ATG7: variants seen among roughly 807,000 people sequenced by gnomAD.
ATG7 encodes the protein ubiquitin-like modifier-activating enzyme ATG7.
A neutral mutation model predicts 82.4 loss-of-function variants in ATG7; 70 were observed. The observed-to-expected ratio is 0.85, with a 90% CI of 0.70 to 1.04. The LOEUF (loss-of-function observed/expected upper bound fraction) is 1.04, where lower values mean the gene tolerates loss of function less well. ATG7 is among the 50% of genes least tolerant of loss of function. The pLI, the probability that ATG7 is intolerant of heterozygous loss-of-function variation, is 0.00. For synonymous variants in ATG7, 287 were observed against 313.0 expected (o/e 0.92, Z 0.88); for missense variants, 792 against 864.3 (o/e 0.92, Z 1.05).
At chr3:11,314,800 A>G (rs1949164140) in intron 8 of ATG7, among the ~76,000 whole-genome samples, 1 of 148,932 alleles carries the variant, frequency 6.7e-6, no homozygotes, top group Admixed American at 6.7e-5. Context: ...TAGCTGAGCC[A>G]TGGTGGTGTG....
chr3:11,564,258 G>GA, the ATG7 span, among the ~76,000 whole-genome samples: 1 of 152,038 alleles, frequency 6.6e-6, no homozygotes, highest in African/African-American at 2.4e-5. Flanking sequence ...TCCTTTCATA[G>GA]AAAAAAATCC....
At chr3:11,309,377 A>G (rs1053450167) in intron 7 of ATG7, among the ~76,000 whole-genome samples, 4 of 152,044 alleles carry the variant, frequency 2.6e-5, no homozygotes, top group African/African-American at 7.2e-5. Context: ...CCTAAATACC[A>G]TCTAAATAAA....
At chr3:11,531,165 G>C (rs2092687007) in intron 20 of ATG7, among the ~76,000 whole-genome samples, 1 of 152,160 alleles carries the variant, frequency 6.6e-6, no homozygotes, top group Non-Finnish European at 1.5e-5. Flanking sequence ...AGTAGGTACA[G>C]AGTCAAGACT....
chr3:11,559,078 A>C (rs954719589), downstream of ATG7, among the ~76,000 whole-genome samples: 1 of 152,248 alleles, frequency 6.6e-6, no homozygotes, highest in African/African-American at 2.4e-5. Context: ...TTAAATTTAA[A>C]TAACAGTAGC....
At position 11,456,729 on chromosome 3, in the gene ATG7, T is replaced by C. The variant is rs75205131; in HGVS notation, c.2079+29803T>C. ...CACAATTACTGTTTGGACTCAAAAA[T>C]GTGACGGAAAGAAGTAGACACTTGT... is the stretch of plus-strand genomic sequence containing the variant. On this transcript the variant is annotated intron_variant, in intron 20 of 20. Coordinates refer to ENST00000693202, the MANE Select transcript of ATG7 (RefSeq NM_001349232.2). 2.0e-4 allele frequency among the ~76,000 whole-genome samples: 30 copies of C among 152,326 alleles called. No individual in the cohort carries two copies. In the East Asian group the frequency reaches 5.6e-3, roughly 28 times the overall value.
In ATG7 at chr3:11,292,061, C is replaced by T. The variant is rs536466399; in HGVS notation, c.-10-6625C>T. ...CCCGTGAGTATATCACTGCAAGAGC[C>T]GAGGTGTGAGATGATGGAGCCTGGC... On this transcript the variant is annotated intron_variant, in intron 3 of 20. Coordinates refer to ENST00000693202, the MANE Select transcript of ATG7 (RefSeq NM_001349232.2). Among the ~76,000 whole-genome samples, 5 of 152,088 alleles carry T rather than the reference C, an allele frequency of 3.3e-5. No homozygotes were observed. In the East Asian group the frequency reaches 9.7e-4, roughly 29 times the overall value.
At chr3:11,347,772 A>T in intron 13 of ATG7, 105 bp from the exon 14 acceptor site, 3 of 1,236,932 alleles carry the variant, frequency 2.4e-6, no homozygotes, top group Non-Finnish European at 3.2e-6. Context: ...TTGTGTTTTG[A>T]GGTTCCCAAG....
chr3:11,447,881 G>A (rs985553086), intron 20 of ATG7, among the ~76,000 whole-genome samples: 1 of 152,162 alleles, frequency 6.6e-6, no homozygotes, highest in African/African-American at 2.4e-5. Flanking sequence ...GAGTGATGGG[G>A]GATGGTCCTC....
intron 20 of ATG7, among the ~76,000 whole-genome samples, chr3:11,506,372 A>T (rs1273327389): frequency 1.3e-5 from 2 of 152,184 alleles, no homozygotes; most frequent in Non-Finnish European, 2.9e-5. Flanking sequence ...TCAAGTGCTT[A>T]GTAGCCTCTT....
chr3:11,488,958 G>C (rs1191890543), intron 20 of ATG7, among the ~76,000 whole-genome samples: 1 of 152,110 alleles, frequency 6.6e-6, no homozygotes, highest in Admixed American at 6.5e-5. Flanking sequence ...CTATTGATTG[G>C]AATAGTTTCA....
the ATG7 span, chr3:11,568,792 CCG>C: frequency 6.9e-7 from 1 of 1,448,910 alleles, no homozygotes; most frequent in Non-Finnish European, 9.1e-7. This position sits in a 1 kb window ranked among gnomAD's most constrained non-coding sequence, Gnocchi z 5.9. Flanking sequence ...AGGACTGTGC[CCG>C]AGAGAGCCCA....
chr3:11,559,850 G>C (rs146620963), downstream of ATG7, among the ~76,000 whole-genome samples: 2 of 152,126 alleles, frequency 1.3e-5, no homozygotes, highest in Admixed American at 6.5e-5. Context: ...ACTGAGCCGC[G>C]GGTGTGCCTG....
In ATG7 at chr3:11,464,012, A is replaced by G. The variant is rs186001247; in HGVS notation, c.2079+37086A>G. Among the ~76,000 whole-genome samples, 4 of 152,356 alleles carry G rather than the reference A, an allele frequency of 2.6e-5. No individual in the cohort carries two copies. In the East Asian group the frequency reaches 7.7e-4, roughly 29 times the overall value. On this transcript the variant is annotated intron_variant, in intron 20 of 20. Coordinates refer to ENST00000693202, the MANE Select transcript of ATG7 (RefSeq NM_001349232.2). ...GTGACAAACCTGAGAGCATATCAGG[A>G]AGAGGAATGATTAAATCATTTAAGT...
At chr3:11,436,220 A>C (rs2083357496) in intron 20 of ATG7, among the ~76,000 whole-genome samples, 1 of 152,238 alleles carries the variant, frequency 6.6e-6, no homozygotes, top group African/African-American at 2.4e-5. Flanking sequence ...TAATCAAATA[A>C]GATGCCCAAC....
At chr3:11,492,163 G>C (rs1443010266) in intron 20 of ATG7, among the ~76,000 whole-genome samples, 1 of 152,202 alleles carries the variant, frequency 6.6e-6, no homozygotes, top group Non-Finnish European at 1.5e-5. Context: ...ACAATCTCCT[G>C]GTGCGCCGTT....
At chr3:11,438,822 G>A (rs927663108) in intron 20 of ATG7, among the ~76,000 whole-genome samples, 34 of 152,152 alleles carry the variant, frequency 2.2e-4, no homozygotes, top group African/African-American at 2.4e-5. Flanking sequence ...TCTCTGGCCT[G>A]TGGCGCTGCT....
At chr3:11,492,195 G>A (rs926357884) in intron 20 of ATG7, among the ~76,000 whole-genome samples, 35 of 152,200 alleles carry the variant, frequency 2.3e-4, no homozygotes, top group East Asian at 5.8e-4. Flanking sequence ...TCGGAAAGGC[G>A]CAGTATTAGG....
intron 14 of ATG7, among the ~76,000 whole-genome samples, chr3:11,350,943 A>G (rs1236965301): frequency 2.0e-5 from 3 of 151,228 alleles, no homozygotes; most frequent in Non-Finnish European, 4.4e-5. Context: ...AAAAAAAAAA[A>G]AAAAAGCAGT....
At chr3:11,517,501 C>T (rs1051570490) in intron 20 of ATG7, among the ~76,000 whole-genome samples, 2 of 152,142 alleles carry the variant, frequency 1.3e-5, no homozygotes, top group African/African-American at 4.8e-5. Flanking sequence ...CCTTACGGAT[C>T]TCTGGTCTAG....
Sources: gnomAD v4.1 joint callset for allele counts (sites outside exome capture counted in the v4.1 genomes callset) on GRCh38, gnomAD v4.1.1 for gene constraint, Gnocchi (gnomAD v3.1) non-coding constraint, MANE v1.5 for transcripts, NCBI Gene and HGNC (gene_info 2026-07-23, HGNC 2026-07-21) for gene names.